ABCA13: variants seen among roughly 807,000 people sequenced by gnomAD.
ABCA13 encodes ATP binding cassette subfamily A member 13.
Under a neutral mutation model 478.7 loss-of-function variants are expected in ABCA13, and 476 were observed. That is an observed-to-expected ratio of 0.99 (90% CI 0.92 to 1.07). The LOEUF (loss-of-function observed/expected upper bound fraction) is 1.07. Ranked by LOEUF, ABCA13 falls within the 50% of genes least tolerant of loss-of-function variation. The pLI is 0.00. For missense variants in ABCA13, 6,060 were observed against 5,910.6 expected (o/e 1.03, Z -0.83); for synonymous variants, 2,252 against 2,158.9 (o/e 1.04, Z -1.20).
At chr7:48,224,785 AAGTC>A (rs1271634953) in intron 5 of ABCA13, among the ~76,000 whole-genome samples, 1 of 152,176 alleles carries the variant, frequency 6.6e-6, no homozygotes, top group Non-Finnish European at 1.5e-5. Flanking sequence ...TGATTTAAAA[AAGTC>A]AGCGCCATAT....
At chr7:48,447,276 C>T (rs980916078) in intron 42 of ABCA13, among the ~76,000 whole-genome samples, 5 of 152,142 alleles carry the variant, frequency 3.3e-5, no homozygotes, top group Non-Finnish European at 7.3e-5. Flanking sequence ...CATCTTCAAT[C>T]CTGTTTCAAC....
rs1554531471 is a variant in ABCA13 at position 48,478,310 on chromosome 7, T to TATATATATATATAA, written c.12976-2725_12976-2724insTATATATATATAAA. ...ATATCATTTTATATATATATATATA[T>TATATATATATATAA]AATCACACACACCCATTATGGAAAG... On this transcript the variant is annotated intron_variant, in intron 45 of 61. Transcript: ENST00000435803. 2.3e-3 allele frequency among the ~76,000 whole-genome samples: 340 copies of TATATATATATATAA among 146,282 alleles called. 1 individual carries two copies. The highest frequency in any genetic ancestry group is 7.2e-3 in the Middle Eastern group (2 of 276).
chr7:48,534,355 T>C (rs1280921889), intron 55 of ABCA13, among the ~76,000 whole-genome samples: 1 of 152,204 alleles, frequency 6.6e-6, no homozygotes, highest in Non-Finnish European at 1.5e-5. Context: ...GTTATTCTGA[T>C]AGCTTTTCCT....
chr7:48,362,409 C>CTTTTTTTTTTTTTTTTTTTTTTCTT (rs35795708), intron 31 of ABCA13, among the ~76,000 whole-genome samples: 1 of 86,010 alleles, frequency 1.2e-5, no homozygotes, highest in Non-Finnish European at 2.2e-5. Flanking sequence ...TCCTCTTCTT[C>CTTTTTTTTTTTTTTTTTTTTTTCTT]TTTTTTTTTT....
chr7:48,516,451 A>G (rs529254725), intron 51 of ABCA13, among the ~76,000 whole-genome samples: 1 of 152,128 alleles, frequency 6.6e-6, no homozygotes. Context: ...TTGTTTTACT[A>G]GATGGCCCCA....
rs1453753052 is a variant in ABCA13 at position 48,481,076 on chromosome 7, A to G, written c.13016A>G (p.Asn4339Ser). Residue 4339 changes from asparagine (N) to serine (S), a missense_variant, in exon 46 of 62, where the codon AAC becomes AGC. Asn to Ser is a conservative substitution (Grantham distance 46). This residue lies in a region of ABCA13 where 1,627 missense variants were observed against 1,571.0 expected (regional missense o/e 1.04). Coordinates refer to ENST00000435803, the MANE Select transcript of ABCA13 (RefSeq NM_152701.5). ...NRSASAPYLT[N>S]HLGHTLLNLS... ...AGTGCTAGTGCTCCCTACCTGACCA[A>G]CCACCTGGGCCACACACTGTTGAAT... 6.2e-7 allele frequency: 1 copy of G among 1,603,340 alleles called. No homozygotes were observed. The highest frequency in any genetic ancestry group is 8.5e-7 in the Non-Finnish European group (1 of 1,174,764).
At chr7:48,388,651 T>A in intron 36 of ABCA13, among the ~76,000 whole-genome samples, 1 of 152,242 alleles carries the variant, frequency 6.6e-6, no homozygotes, top group East Asian at 1.9e-4. Flanking sequence ...GAATTATGAA[T>A]CTTTTAGAAA....
At chr7:48,309,849 C>T (rs994536607) in intron 23 of ABCA13, 98 bp from the exon 24 acceptor site, 6 of 1,411,880 alleles carry the variant, frequency 4.2e-6, no homozygotes, top group South Asian at 1.3e-5. Context: ...GGGAAATCCA[C>T]TCTTGGGCGA....
chr7:48,561,366 G>A (rs1311042076), intron 55 of ABCA13, among the ~76,000 whole-genome samples: 1 of 151,904 alleles, frequency 6.6e-6, no homozygotes, highest in East Asian at 1.9e-4. Flanking sequence ...CCTATCAATA[G>A]CATGTAAGGG....
chr7:48,323,610 A>G (rs1196255980), intron 27 of ABCA13, among the ~76,000 whole-genome samples: 1 of 152,222 alleles, frequency 6.6e-6, no homozygotes, highest in Non-Finnish European at 1.5e-5. Context: ...GCAGGTAGGT[A>G]CTAATATCCC....
intron 42 of ABCA13, among the ~76,000 whole-genome samples, chr7:48,436,759 G>A (rs1288376266): frequency 6.6e-6 from 1 of 150,862 alleles, no homozygotes; most frequent in Non-Finnish European, 1.5e-5. Flanking sequence ...CTTTTCTTGT[G>A]ATTTACTATT....
At chr7:48,201,820 G>A (rs535659535) in intron 3 of ABCA13, among the ~76,000 whole-genome samples, 3 of 152,336 alleles carry the variant, frequency 2.0e-5, no homozygotes, top group African/African-American at 4.8e-5. Flanking sequence ...GAATGAAGCC[G>A]CAGACCCTCA....
At chr7:48,295,154 A>T (rs1012528775) in intron 20 of ABCA13, among the ~76,000 whole-genome samples, 1 of 152,198 alleles carries the variant, frequency 6.6e-6, no homozygotes, top group Non-Finnish European at 1.5e-5. Context: ...CCAACAGGGC[A>T]CAAGGTTTCC....
intron 19 of ABCA13, among the ~76,000 whole-genome samples, chr7:48,282,677 T>G (rs908243720): frequency 7.2e-5 from 11 of 152,208 alleles, no homozygotes; most frequent in African/African-American, 2.7e-4. Context: ...TTATTATTAT[T>G]TCGATTACTA....
chr7:48,458,241 A>ATCC (rs1417060692), intron 43 of ABCA13, among the ~76,000 whole-genome samples: 1 of 152,186 alleles, frequency 6.6e-6, no homozygotes, highest in African/African-American at 2.4e-5. Context: ...TTGGCACAGG[A>ATCC]ATGATTCAAA....
chr7:48,637,607 G>A (rs1794778650), intron 59 of ABCA13, among the ~76,000 whole-genome samples: 1 of 151,966 alleles, frequency 6.6e-6, no homozygotes, highest in Non-Finnish European at 1.5e-5. Flanking sequence ...AAGGGGCTGA[G>A]TCATATAGCT....
At chr7:48,563,512 A>C (rs777497641) in intron 55 of ABCA13, among the ~76,000 whole-genome samples, 3 of 152,140 alleles carry the variant, frequency 2.0e-5, no homozygotes, top group Non-Finnish European at 4.4e-5. Flanking sequence ...CTGGGCTAGA[A>C]ATGCCAATAC....
chr7:48,587,194 A>G lies in ABCA13; in HGVS notation c.14546A>G (p.His4849Arg). Reference sequence around the variant, plus strand: ...ATCAGGCGCTTACACCTCGAAGCCCACGCGGACAAACCTGTGGCCACCTAC... The same window carrying G: ...ATCAGGCGCTTACACCTCGAAGCCCGCGCGGACAAACCTGTGGCCACCTAC... Reference protein sequence around the residue: ...DLIRRLHLEAHADKPVATYSG... With the variant: ...DLIRRLHLEARADKPVATYSG... Residue 4849 changes from histidine to arginine, a missense_variant, in exon 57 of 62, where the codon CAC (histidine) becomes CGC (arginine). Transcript: ENST00000435803. The G allele has an allele frequency of 6.2e-7, 1 of 1,613,094 alleles. No individual in the cohort carries two copies. Among genetic ancestry groups the G allele is most frequent in the Non-Finnish European group, 8.5e-7 (1 of 1,179,548 alleles).
intron 57 of ABCA13, among the ~76,000 whole-genome samples, chr7:48,588,301 T>C (rs1789393027): frequency 6.6e-6 from 1 of 152,222 alleles, no homozygotes; most frequent in South Asian, 2.1e-4. Context: ...GTTTACAAAT[T>C]ACATTTTATT....
Sources: gnomAD v4.1 joint callset for allele counts (sites outside exome capture counted in the v4.1 genomes callset) on GRCh38, gnomAD v4.1.1 for gene constraint, gnomAD v4.1.1 regional missense constraint, MANE v1.5 for transcripts, NCBI Gene and HGNC (gene_info 2026-07-23, HGNC 2026-07-21) for gene names.